The following ATP8B1 variants were observed in gnomAD, a reference collection of about 807,000 sequenced individuals.
The protein encoded by ATP8B1 is phospholipid-transporting ATPase IC.
ATP8B1 carries 80 observed loss-of-function variants against 149.9 expected under a neutral mutation model. That is an observed-to-expected ratio of 0.53 (90% CI 0.45 to 0.64). ATP8B1 has a LOEUF of 0.64. ATP8B1 is among the 30% of genes least tolerant of loss of function. The pLI, the probability that ATP8B1 is intolerant of heterozygous loss-of-function variation, is 0.00. For missense variants in ATP8B1, 1,247 were observed against 1,552.6 expected (o/e 0.80, Z 3.31); for synonymous variants, 536 against 562.8 (o/e 0.95, Z 0.67).
At chr18:57,717,116 TCAAA>T (rs1473084722) in intron 2 of ATP8B1, among the ~76,000 whole-genome samples, 1 of 152,092 alleles carries the variant, frequency 6.6e-6, no homozygotes, top group Non-Finnish European at 1.5e-5. Context: ...AAAAATTTCT[TCAAA>T]CAAATGATAA....
chr18:57,783,884 G>A (rs934724808), intron 1 of ATP8B1, among the ~76,000 whole-genome samples: 2 of 151,896 alleles, frequency 1.3e-5, no homozygotes, highest in African/African-American at 4.8e-5. Flanking sequence ...AGAAAACACA[G>A]AAGCCGTCTC....
At chr18:57,709,041 T>C (rs989884408) in intron 2 of ATP8B1, among the ~76,000 whole-genome samples, 1 of 152,222 alleles carries the variant, frequency 6.6e-6, no homozygotes. Context: ...TTGTCTGCAA[T>C]TGAACCGCAA....
rs1192418057 is a variant in ATP8B1 at position 57,648,121 on chromosome 18, GGA to G, written c.*365_*366del. The G allele has an allele frequency of 8.2e-6, 3 of 365,232 alleles. No homozygotes were observed. The highest frequency in any genetic ancestry group is 4.2e-5 in the African/African-American group (2 of 47,566). The allele number at this position is 365,232 out of a possible 1,614,324, so 22.6% of individuals were successfully genotyped here. On this transcript the variant is annotated 3_prime_UTR_variant, in exon 28 of 28. Coordinates refer to ENST00000648908, the MANE Select transcript of ATP8B1 (RefSeq NM_001374385.1). ...TCTGCTTCAGCTTCTCAAATAGGTG[GGA>G]TTACGGGTGCCCACCACCAAGCCCG...
intron 24 of ATP8B1, among the ~76,000 whole-genome samples, chr18:57,653,301 T>C (rs1909757185): frequency 7.0e-6 from 1 of 143,714 alleles, no homozygotes; most frequent in East Asian, 2.2e-4. Flanking sequence ...TTTTTTTTTT[T>C]GGAGACAGGG....
chr18:57,703,518 G>C (rs1440802280), intron 4 of ATP8B1, among the ~76,000 whole-genome samples: 5 of 150,522 alleles, frequency 3.3e-5, no homozygotes, highest in Admixed American at 1.3e-4. Flanking sequence ...GGAGGTTGCA[G>C]TGAGCCAAGA....
rs921055985 is a variant in ATP8B1, at chr18:57,765,445, G to A, written c.-25-33613C>T. ...AGCACTTTGGGAGGTCAAGGCAGGC[G>A]GATCACAAGGTCAGGAGTTCGAGAC... On this transcript the variant is annotated intron_variant, in intron 1 of 27. Coordinates refer to ENST00000648908, the MANE Select transcript of ATP8B1 (RefSeq NM_001374385.1). 3.9e-5 allele frequency among the ~76,000 whole-genome samples: 6 copies of A among 152,148 alleles called. No individual in the cohort carries two copies. The East Asian group carries it at 5.8e-4, about 15-fold the overall frequency.
chr18:57,667,188 G>C, intron 19 of ATP8B1, 21 bp from the exon 20 acceptor site: 1 of 1,560,710 alleles, frequency 6.4e-7, no homozygotes, highest in Non-Finnish European at 8.8e-7. Flanking sequence ...ATAAAATTAA[G>C]TCAAATGTCA....
At chr18:57,693,106 T>C (rs757566889) in intron 11 of ATP8B1, among the ~76,000 whole-genome samples, 18 of 152,224 alleles carry the variant, frequency 1.2e-4, no homozygotes, top group Non-Finnish European at 2.4e-4. Flanking sequence ...ACAATTTTCA[T>C]GAAATGAGAA....
chr18:57,659,884 T>G (rs543443812), intron 22 of ATP8B1: 153 of 152,292 alleles, frequency 1.0e-3, no homozygotes, highest in African/African-American at 3.6e-3. Context: ...ATATAATGCA[T>G]TTAAGCAACC....
rs780683187 is a variant in ATP8B1, at chr18:57,669,402, T to C, written c.2013A>G (p.Lys671=). 1.9e-6 allele frequency: 3 copies of C among 1,613,964 alleles called. No homozygotes were observed. The highest frequency in any genetic ancestry group is 2.5e-6 in the Non-Finnish European group (3 of 1,179,868). ...AGGCCACACTGGCAGCCATAAACTT[T>C]TTATTCCATTCTGTAAATTCTTTTT... ...IEEKEFTEWN[K]KFMAASVAST... is the part of the protein sequence containing the mutation. The change falls in exon 18 of 28, where the codon AAA becomes AAG. Residue 671 remains lysine, a synonymous_variant. Coordinates refer to ENST00000648908, the MANE Select transcript of ATP8B1 (RefSeq NM_001374385.1).
chr18:57,713,951 G>A (rs907503943), intron 2 of ATP8B1, among the ~76,000 whole-genome samples: 124 of 152,162 alleles, frequency 8.1e-4, no homozygotes, highest in African/African-American at 2.9e-3. Context: ...TACCACCTTG[G>A]CCACAGTGGG....
intron 16 of ATP8B1, 67 bp from the exon 17 acceptor site, chr18:57,671,647 G>GA: frequency 8.7e-7 from 1 of 1,155,302 alleles, no homozygotes; most frequent in Non-Finnish European, 1.3e-6. Flanking sequence ...TTTTGAGACA[G>GA]GGTCTTGCTC....
At chr18:57,747,429 G>A (rs2079974776) in intron 1 of ATP8B1, among the ~76,000 whole-genome samples, 1 of 149,516 alleles carries the variant, frequency 6.7e-6, no homozygotes, top group Non-Finnish European at 1.5e-5. Flanking sequence ...CTCCAGTCTG[G>A]GTGACAAGAG....
intron 1 of ATP8B1, among the ~76,000 whole-genome samples, chr18:57,772,214 C>T (rs1370354674): frequency 6.6e-6 from 1 of 152,168 alleles, no homozygotes. Context: ...GGCAAATAAA[C>T]ACCTTACCAT....
At chr18:57,695,073 T>G in intron 10 of ATP8B1, 98 bp downstream of exon 10, 1 of 693,194 alleles carries the variant, frequency 1.4e-6, no homozygotes, top group Non-Finnish European at 2.5e-6. Flanking sequence ...ATGCTATTAC[T>G]CTTCTTTTGG....
chr18:57,649,598 C>T lies in ATP8B1; in HGVS notation c.3531+769G>A, dbSNP rs550032445. Among the ~76,000 whole-genome samples, 354 of 152,166 alleles carry T rather than the reference C, an allele frequency of 2.3e-3. 2 individuals are homozygous for T. Among genetic ancestry groups the T allele is most frequent in the African/African-American group, 8.2e-3 (341 of 41,510 alleles). Reference sequence around the variant, plus strand: ...GAAATTGATTGTATTCAGATTGCCCCCCCCAACCCCTCACAGCCACATTTC... The same window carrying T: ...GAAATTGATTGTATTCAGATTGCCCTCCCCAACCCCTCACAGCCACATTTC... On this transcript the variant is annotated intron_variant, in intron 27 of 27. Transcript: ENST00000648908.
chr18:57,697,604 C>G lies in ATP8B1; in HGVS notation c.698+14G>C, dbSNP rs560685942. ...AAGGCCAGCTTTAAATCAGGCCCAT[C>G]GAGACACACTTACCCATCCAGTTCT... On this transcript the variant is annotated intron_variant, in intron 8 of 27. Transcript: ENST00000648908. 6.2e-7 allele frequency: 1 copy of G among 1,613,074 alleles called. No individual in the cohort carries two copies. The highest frequency in any genetic ancestry group is 1.3e-5 in the African/African-American group (1 of 74,852).
chr18:57,778,617 A>G (rs1314858562), intron 1 of ATP8B1, among the ~76,000 whole-genome samples: 1 of 152,186 alleles, frequency 6.6e-6, no homozygotes, highest in Non-Finnish European at 1.5e-5. Flanking sequence ...CCAGAGCTGC[A>G]GTCACCTAAA....
At chr18:57,655,512 A>C in intron 22 of ATP8B1, 95 bp from the exon 23 acceptor site, 1 of 1,111,720 alleles carries the variant, frequency 9.0e-7, no homozygotes, top group Non-Finnish European at 1.4e-6. Context: ...ACAAAAAACA[A>C]AGACAGACAT....
Sources: allele counts gnomAD v4.1 joint callset (sites outside exome capture counted in the v4.1 genomes callset), GRCh38; gene constraint gnomAD v4.1.1; transcripts MANE v1.5; gene names NCBI Gene and HGNC (gene_info 2026-07-23, HGNC 2026-07-21).